Variants in ASIC2 observed in about 807,000 individuals in gnomAD.
ASIC2 encodes acid sensing ion channel subunit 2.
Under a neutral mutation model 57.3 loss-of-function variants are expected in ASIC2, and 25 were observed. The ratio of observed to expected loss-of-function variants is 0.44; its 90% CI spans 0.32 to 0.61. The LOEUF is 0.61. Ranked by LOEUF, ASIC2 falls within the 20% of genes least tolerant of loss-of-function variation. The pLI is 0.06. For missense variants in ASIC2, 641 were observed against 738.1 expected (o/e 0.87, Z 1.52); for synonymous variants, 319 against 307.5 (o/e 1.04, Z -0.39).
At chr17:33,077,159 C>CT (rs1470892125) in intron 3 of ASIC2, among the ~76,000 whole-genome samples, 3 of 151,964 alleles carry the variant, frequency 2.0e-5, no homozygotes, top group Non-Finnish European at 4.4e-5. Flanking sequence ...CTTGGCTCTC[C>CT]TGCAGACCTT....
chr17:33,357,780 T>C (rs1354986811), intron 1 of ASIC2, among the ~76,000 whole-genome samples: 2 of 152,218 alleles, frequency 1.3e-5, no homozygotes, highest in Non-Finnish European at 2.9e-5. Flanking sequence ...TAGAACTTTA[T>C]ATAATAAACT....
chr17:33,063,137 A>C (rs952995661), intron 3 of ASIC2, among the ~76,000 whole-genome samples: 2 of 152,228 alleles, frequency 1.3e-5, no homozygotes, highest in Admixed American at 6.5e-5. Flanking sequence ...TGTGTCTTTT[A>C]ATTGGAGCAT....
chr17:33,884,812 G>A (rs1343691991), intron 1 of ASIC2, among the ~76,000 whole-genome samples: 1 of 151,760 alleles, frequency 6.6e-6, no homozygotes, highest in Non-Finnish European at 1.5e-5. Flanking sequence ...ATCAAACTCT[G>A]AAGCCCACAG....
In ASIC2 at chr17:33,119,817, C is replaced by T. The variant is rs141530219; in HGVS notation, c.709-7750G>A. On this transcript the variant is annotated intron_variant, in intron 1 of 9. Transcript: ENST00000225823. The stretch of plus-strand genomic sequence containing the variant: ...ATAAAGGAGATGAGGCGAATGTGAC[C>T]GCAATGCAGCCCCTTTGCCCTTCCC... Among the ~76,000 whole-genome samples, 40 of 152,282 alleles carry T rather than the reference C, an allele frequency of 2.6e-4. No individual in the cohort carries two copies. The East Asian group carries it at 5.4e-3, about 21-fold the overall frequency.
intron 1 of ASIC2, among the ~76,000 whole-genome samples, chr17:33,538,229 G>T (rs1915297910): frequency 6.6e-6 from 1 of 152,170 alleles, no homozygotes; most frequent in Admixed American, 6.5e-5. Flanking sequence ...GCAGGGTATG[G>T]AAGCTAAACA....
At chr17:33,988,218 G>T (rs772184350) in intron 1 of ASIC2, among the ~76,000 whole-genome samples, 16 of 152,186 alleles carry the variant, frequency 1.1e-4, no homozygotes, top group Non-Finnish European at 2.4e-4. Context: ...TAAAATACAA[G>T]GCACTTTCCA....
rs770295786 is a variant in ASIC2, at chr17:34,156,455, G to C, written c.78C>G (p.Leu26=). The C allele has an allele frequency of 1.2e-6, 2 of 1,614,114 alleles. No individual in the cohort carries two copies. The highest frequency in any genetic ancestry group is 1.7e-6 in the Non-Finnish European group (2 of 1,179,960). The change falls in exon 1 of 10, where the codon CTC becomes CTG. Residue 26 remains leucine, a synonymous_variant. Transcript: ENST00000359872. The surrounding 1 kb of genome is among the most constrained non-coding windows in gnomAD (Gnocchi z 4.4). ...ACACGAAGATGTGGCGGATGCCATGGAGGGTGGAGGTGTTGGCAAAGATCT... is the reference window on the plus strand; with the variant it reads ...ACACGAAGATGTGGCGGATGCCATGCAGGGTGGAGGTGTTGGCAAAGATCT...
intron 1 of ASIC2, among the ~76,000 whole-genome samples, chr17:33,187,448 C>A (rs891192133): frequency 6.6e-6 from 1 of 152,110 alleles, no homozygotes; most frequent in African/African-American, 2.4e-5. Context: ...ACTATAGGAA[C>A]AAACAAGCTT....
chr17:34,085,145 T>G (rs1458908574), intron 1 of ASIC2, among the ~76,000 whole-genome samples: 1 of 152,246 alleles, frequency 6.6e-6, no homozygotes, highest in Non-Finnish European at 1.5e-5. Flanking sequence ...TTCCAGTTTT[T>G]GCCCATTTAG....
At chr17:33,550,173 TAATA>T (rs1364671128) in intron 1 of ASIC2, among the ~76,000 whole-genome samples, 2 of 152,304 alleles carry the variant, frequency 1.3e-5, no homozygotes, top group Non-Finnish European at 2.9e-5. Context: ...GTCCAGATAG[TAATA>T]AAGCATTGCT....
At position 33,987,195 on chromosome 17, in the gene ASIC2, A is replaced by C. The variant is rs1470086285; in HGVS notation, c.555+168783T>G. ...ACTTAGGCCAGAATCAGGGGAAAAA[A>C]GTCAGGCAAGGTGCAGTTTTGAACC... On this transcript the variant is annotated intron_variant, in intron 1 of 9. Transcript: ENST00000359872. 2.0e-5 allele frequency among the ~76,000 whole-genome samples: 3 copies of C among 152,154 alleles called. No individual in the cohort carries two copies. The East Asian group carries it at 5.8e-4, about 29-fold the overall frequency.
chr17:33,698,762 G>A (rs1476123835), intron 1 of ASIC2, among the ~76,000 whole-genome samples: 1 of 152,126 alleles, frequency 6.6e-6, no homozygotes. Flanking sequence ...AAGGGCACGA[G>A]GCTGCGGTAT....
At chr17:34,032,780 A>C (rs61433813) in intron 1 of ASIC2, among the ~76,000 whole-genome samples, 1 of 152,004 alleles carries the variant, frequency 6.6e-6, no homozygotes, top group African/African-American at 2.4e-5. Flanking sequence ...CATTACATAA[A>C]GGGAAAGGGA....
chr17:34,052,268 G>A (rs963316737), intron 1 of ASIC2, among the ~76,000 whole-genome samples: 11 of 152,108 alleles, frequency 7.2e-5, no homozygotes, highest in East Asian at 1.9e-4. Flanking sequence ...ATTTGAAATC[G>A]TACTACTGCC....
At chr17:33,553,115 G>A (rs1225252356) in intron 1 of ASIC2, among the ~76,000 whole-genome samples, 1 of 152,136 alleles carries the variant, frequency 6.6e-6, no homozygotes, top group Non-Finnish European at 1.5e-5. Context: ...AGTGGCAGAG[G>A]CCCTAGTGGA....
intron 1 of ASIC2, among the ~76,000 whole-genome samples, chr17:33,703,908 T>C (rs796286685): frequency 1.9e-4 from 29 of 152,332 alleles, no homozygotes; most frequent in African/African-American, 6.7e-4. Flanking sequence ...TCTGTCCTTC[T>C]GGCCTCAGGC....
At chr17:34,037,662 C>T (rs1907941447) in intron 1 of ASIC2, 1 of 1,613,428 alleles carries the variant, frequency 6.2e-7, no homozygotes, top group East Asian at 2.2e-5. Flanking sequence ...GAGGTTGATG[C>T]AATAGCAGCT....
chr17:33,695,696 C>T (rs1908503091), intron 1 of ASIC2, among the ~76,000 whole-genome samples: 1 of 152,170 alleles, frequency 6.6e-6, no homozygotes, highest in South Asian at 2.1e-4. Flanking sequence ...GGCACACACA[C>T]ATGCACACAA....
intron 1 of ASIC2, among the ~76,000 whole-genome samples, chr17:33,773,843 T>G (rs1911189461): frequency 1.3e-5 from 2 of 151,966 alleles, no homozygotes; most frequent in Non-Finnish European, 1.5e-5. Context: ...TTATTATTTT[T>G]TTTTGTAGAG....
Sources: gnomAD v4.1 joint callset for allele counts (sites outside exome capture counted in the v4.1 genomes callset) on GRCh38, gnomAD v4.1.1 for gene constraint, Gnocchi (gnomAD v3.1) non-coding constraint, MANE v1.5 for transcripts, NCBI Gene and HGNC (gene_info 2026-07-23, HGNC 2026-07-21) for gene names.